The following ZSWIM5 variants were observed in gnomAD, a reference collection of about 807,000 sequenced individuals.
The protein encoded by ZSWIM5 is zinc finger SWIM-type containing 5, also known as zinc finger SWIM domain-containing protein 5.
A neutral mutation model predicts 119.6 loss-of-function variants in ZSWIM5; 55 were observed. The observed-to-expected ratio is 0.46, with a 90% CI of 0.37 to 0.58. The LOEUF (loss-of-function observed/expected upper bound fraction) is 0.58. Among genes scored for constraint, ZSWIM5 ranks in the 20% least tolerant of loss-of-function variants. ZSWIM5 has a pLI of 0.00. For synonymous variants in ZSWIM5, 537 were observed against 606.9 expected, an observed-to-expected ratio of 0.88 and a Z score of 1.69; for missense variants, 1,193 against 1,512.8, an observed-to-expected ratio of 0.79 and a Z score of 3.51.
Position 45,035,754 on chromosome 1 carries a change from T to C in ZSWIM5, c.2225A>G (p.Tyr742Cys), listed in dbSNP as rs1644979356. 1.2e-6 allele frequency: 2 copies of C among 1,613,644 alleles called. No individual in the cohort carries two copies. Residue 742 changes from tyrosine to cysteine, a missense_variant, in exon 10 of 14, where the codon TAT becomes TGT. Coordinates refer to ENST00000359600, the MANE Select transcript of ZSWIM5 (RefSeq NM_020883.2). Reference sequence around the variant, plus strand: ...ATGAGGCAGCAGAGCTGAGAACAAATACTTGGCAAAGGTATGCATGGGAAC... The same window carrying C: ...ATGAGGCAGCAGAGCTGAGAACAAACACTTGGCAAAGGTATGCATGGGAAC... ...ESVPMHTFAK[Y>C]LFSALLPHDP...
At chr1:45,044,784 T>C (rs1431303785) in intron 5 of ZSWIM5, among the ~76,000 whole-genome samples, 1 of 2,012 alleles carries the variant, frequency 5.0e-4, no homozygotes, top group Non-Finnish European at 1.5e-3. Context: ...TAAATATATA[T>C]ATATAAATAT....
rs146046681 is a variant in ZSWIM5 at position 45,112,319 on chromosome 1, ATAAT to A, written c.596-24086_596-24083del. 3.5e-3 allele frequency among the ~76,000 whole-genome samples: 540 copies of A among 152,302 alleles called. 3 individuals carry two copies. The highest frequency in any genetic ancestry group is 0.016 in the East Asian group (81 of 5,184). ...AGATTCATCATGTTCTGCCATCTTT[ATAAT>A]TAGTTTTGTGATCTTCAGCAGGTTA... On this transcript the variant is annotated intron_variant, in intron 1 of 13. Coordinates refer to ENST00000359600, the MANE Select transcript of ZSWIM5 (RefSeq NM_020883.2).
chr1:45,141,983 T>C (rs1645730526), intron 1 of ZSWIM5, among the ~76,000 whole-genome samples: 1 of 152,070 alleles, frequency 6.6e-6, no homozygotes, highest in South Asian at 2.1e-4. Flanking sequence ...GAGAGGTGGG[T>C]GTATTGTTTG....
At chr1:45,168,886 G>A (rs187018304) in intron 1 of ZSWIM5, among the ~76,000 whole-genome samples, 3 of 152,108 alleles carry the variant, frequency 2.0e-5, no homozygotes, top group African/African-American at 7.2e-5. Context: ...TGGCATATGT[G>A]ATTTGCAATT....
At chr1:45,189,796 G>A (rs1323804207) in intron 1 of ZSWIM5, among the ~76,000 whole-genome samples, 1 of 152,046 alleles carries the variant, frequency 6.6e-6, no homozygotes, top group Non-Finnish European at 1.5e-5. Context: ...ATAATTACCT[G>A]ATTTTAATGT....
intron 2 of ZSWIM5, among the ~76,000 whole-genome samples, chr1:45,075,524 C>G (rs1042402735): frequency 2.0e-5 from 3 of 152,146 alleles, no homozygotes; most frequent in Non-Finnish European, 4.4e-5. Flanking sequence ...AGTATAGCTA[C>G]TCCTGCTCCT....
In ZSWIM5 at chr1:45,133,185, C is replaced by T. The variant is rs1645668921; in HGVS notation, c.596-44948G>A. ...CTAGTTCTTGATCCTTGAGGAATCGCCACACTGTCTGCCACAATGGTTGAA... is the reference window on the plus strand; with the variant it reads ...CTAGTTCTTGATCCTTGAGGAATCGTCACACTGTCTGCCACAATGGTTGAA... On this transcript the variant is annotated intron_variant, in intron 1 of 13. Transcript: ENST00000359600. Among the ~76,000 whole-genome samples the T allele has an allele frequency of 2.0e-5, 3 of 152,164 alleles. No individual in the cohort carries two copies. In the South Asian group the frequency reaches 6.2e-4, roughly 31 times the overall value.
intron 1 of ZSWIM5, among the ~76,000 whole-genome samples, chr1:45,107,550 G>A (rs1471244165): frequency 6.7e-6 from 1 of 149,772 alleles, no homozygotes; most frequent in African/African-American, 2.5e-5. Context: ...GCTGAGACAG[G>A]AGAATGGCGT....
chr1:45,153,463 GC>G (rs1645809942), intron 1 of ZSWIM5, among the ~76,000 whole-genome samples: 1 of 149,922 alleles, frequency 6.7e-6, no homozygotes, highest in African/African-American at 2.5e-5. Flanking sequence ...CCAAAATTGT[GC>G]CACTGCCCTC....
chr1:45,151,440 G>A (rs539977654), intron 1 of ZSWIM5, among the ~76,000 whole-genome samples: 137 of 151,990 alleles, frequency 9.0e-4, no homozygotes, highest in African/African-American at 3.2e-3. Flanking sequence ...CAAATATTAA[G>A]TGCCTATAAT....
intron 2 of ZSWIM5, among the ~76,000 whole-genome samples, chr1:45,086,660 A>T (rs1645331769): frequency 6.6e-6 from 1 of 152,084 alleles, no homozygotes; most frequent in African/African-American, 2.4e-5. Flanking sequence ...GAAGGATAGC[A>T]TTAGGAGAAA....
chr1:45,136,429 C>T (rs1399750082), intron 1 of ZSWIM5, among the ~76,000 whole-genome samples: 2 of 152,020 alleles, frequency 1.3e-5, no homozygotes, highest in African/African-American at 4.8e-5. Context: ...TTTTCTTTAA[C>T]TTTTTATCCC....
chr1:45,110,677 A>G (rs1232450680), intron 1 of ZSWIM5, among the ~76,000 whole-genome samples: 1 of 152,228 alleles, frequency 6.6e-6, no homozygotes, highest in Non-Finnish European at 1.5e-5. Flanking sequence ...TTTCTCATGC[A>G]AAATCGACAA....
chr1:45,205,568 C>A (rs1383375903), intron 1 of ZSWIM5, among the ~76,000 whole-genome samples, 188 bp downstream of exon 1: 1 of 152,144 alleles, frequency 6.6e-6, no homozygotes, highest in East Asian at 1.9e-4. Context: ...GGTAGAGGGT[C>A]AGTGGAGGAA....
intron 1 of ZSWIM5, among the ~76,000 whole-genome samples, chr1:45,182,164 C>G (rs1355626951): frequency 2.6e-5 from 4 of 152,170 alleles, no homozygotes; most frequent in Non-Finnish European, 5.9e-5. Context: ...CGCCTGTAAT[C>G]CCAGCACTTT....
At chr1:45,181,474 G>A (rs915219754) in intron 1 of ZSWIM5, among the ~76,000 whole-genome samples, 10 of 152,086 alleles carry the variant, frequency 6.6e-5, no homozygotes, top group African/African-American at 2.4e-4. Context: ...TACCTGAAAG[G>A]GACAGGGAGA....
At position 45,095,338 on chromosome 1, in the gene ZSWIM5, C is replaced by G. The variant is rs566896968; in HGVS notation, c.596-7101G>C. Among the ~76,000 whole-genome samples the G allele has an allele frequency of 3.8e-4, 58 of 152,144 alleles. 1 individual carries two copies. The highest frequency in any genetic ancestry group is 1.2e-3 in the South Asian group (6 of 4,810). On this transcript the variant is annotated intron_variant, in intron 1 of 13. Transcript: ENST00000359600. ...ATGGGGTCTCAATGTGTTGTCCAGG[C>G]TGGTCTTGAACTCCTGGCCTCAACT...
At position 45,176,196 on chromosome 1, in the gene ZSWIM5, G is replaced by A. The variant is rs114469202; in HGVS notation, c.595+29560C>T. Among the ~76,000 whole-genome samples the A allele has an allele frequency of 4.1e-3, 623 of 150,628 alleles. 5 individuals are homozygous for A. Among genetic ancestry groups the A allele is most frequent in the African/African-American group, 0.014 (587 of 41,154 alleles). On this transcript the variant is annotated intron_variant, in intron 1 of 13. Transcript: ENST00000359600. ...TATATACTAAAAACCATGAGTTCAC[G>A]TGGGTATCTCCAATTACAATCCAAA... is the stretch of plus-strand genomic sequence containing the variant.
chr1:45,202,646 A>T (rs1464392654), intron 1 of ZSWIM5, among the ~76,000 whole-genome samples: 2 of 152,094 alleles, frequency 1.3e-5, no homozygotes, highest in Non-Finnish European at 2.9e-5. Context: ...CAGGCGCAGA[A>T]GGCCCCTGCA....
Sources: gnomAD v4.1 joint callset for allele counts (sites outside exome capture counted in the v4.1 genomes callset) on GRCh38, gnomAD v4.1.1 for gene constraint, MANE v1.5 for transcripts, NCBI Gene and HGNC (gene_info 2026-07-23, HGNC 2026-07-21) for gene names.